Variants in MAFB observed in about 807,000 individuals in gnomAD.
MAFB encodes MAF bZIP transcription factor B.
A neutral mutation model predicts 17.7 loss-of-function variants in MAFB; 3 were observed. That is an observed-to-expected ratio of 0.17 (90% CI 0.08 to 0.44). The LOEUF is 0.44. Among genes scored for constraint, MAFB ranks in the 20% least tolerant of loss-of-function variants. The probability of loss-of-function intolerance (pLI) is 0.99; values close to 1 mark genes in which losing one functional copy is unlikely to be tolerated. For missense variants in MAFB, 355 were observed against 461.3 expected (o/e 0.77, Z 2.11); for synonymous variants, 214 against 211.5 (o/e 1.01, Z -0.10).
chr20:40,688,375 G>A lies in MAFB; in HGVS notation c.476C>T (p.Ala159Val), dbSNP rs1278548741. The A allele has an allele frequency of 6.4e-7, 1 of 1,552,534 alleles. No homozygotes were observed. Among genetic ancestry groups the A allele is most frequent in the Admixed American group, 1.8e-5 (1 of 55,140 alleles). Reference sequence around the variant, plus strand: ...GTGATGATGGTGATGGTGCGGGTGAGCGTGCGGGCCCAGCTCGTCGTGGGC... The same window carrying A: ...GTGATGATGGTGATGGTGCGGGTGAACGTGCGGGCCCAGCTCGTCGTGGGC... ...GVAHDELGPH[A>V]HPHHHHHHQA... Residue 159 changes from alanine to valine, a missense_variant, in exon 1 of 1, where the codon GCT becomes GTT. By Grantham distance (64) the Ala-to-Val change is moderately conservative. Coordinates refer to ENST00000373313, the MANE Select transcript of MAFB (RefSeq NM_005461.5).
In MAFB at chr20:40,687,997, G is replaced by A. The variant is rs747264525; in HGVS notation, c.854C>T (p.Ser285Phe). 1.2e-6 allele frequency: 2 copies of A among 1,614,178 alleles called. No homozygotes were observed. Among genetic ancestry groups the A allele is most frequent in the Non-Finnish European group, 1.7e-6 (2 of 1,180,044 alleles). ...QQVEQLKQEV[S>F]RLARERDAYK... is the part of the protein sequence containing the mutation. ...GGCGTCTCTCTCGCGGGCCAGCCGG[G>A]ACACCTCCTGCTTAAGCTGCTCCAC... Residue 285 changes from serine to phenylalanine, a missense_variant, in exon 1 of 1, where the codon TCC becomes TTC. Coordinates refer to ENST00000373313, the MANE Select transcript of MAFB (RefSeq NM_005461.5).
Position 40,688,211 on chromosome 20 carries a change from C to A in MAFB, c.640G>T (p.Asp214Tyr), listed in dbSNP as rs757070308. 1.3e-6 allele frequency: 2 copies of A among 1,590,064 alleles called. No individual in the cohort carries two copies. The highest frequency in any genetic ancestry group is 1.7e-6 in the Non-Finnish European group (2 of 1,174,160). ...CGCACGGACATGGACACGAGCTGGT[C>A]GTCGGAGAAGCGGTCCTCCACGCTG... ...NGSVEDRFSD[D>Y]QLVSMSVREL... The change falls in exon 1 of 1, where the codon GAC (aspartate) becomes TAC (tyrosine). Residue 214 changes from aspartate (D) to tyrosine (Y), a missense_variant. By Grantham distance (160) the Asp-to-Tyr change is radical. This residue lies in a region of MAFB where 285 missense variants were observed against 350.0 expected (regional missense o/e 0.81). Transcript: ENST00000373313.
rs1369327527 is a variant in MAFB at position 40,687,888 on chromosome 20, G to T, written c.963C>A (p.Phe321Leu). The change falls in exon 1 of 1, where the codon TTC (phenylalanine) becomes TTA (leucine). Residue 321 changes from phenylalanine to leucine, a missense_variant. Physicochemically the swap from Phe to Leu is conservative, Grantham distance 22. Around this residue, in one of 3 missense-constraint regions of MAFB, gnomAD observed 63 missense variants for 69.4 expected, o/e 0.91. Coordinates refer to ENST00000373313, the MANE Select transcript of MAFB (RefSeq NM_005461.5). The stretch of plus-strand genomic sequence containing the variant: ...CAGGACCGGCCACGACTCACAGAAA[G>T]AACTCGGGAGAGGAGGGGCTGTCGC... The part of the protein sequence containing the change: ...STSDSPSSPE[F>L]FL 2 of 1,610,400 alleles carry T rather than the reference G, an allele frequency of 1.2e-6. No homozygotes were observed. The highest frequency in any genetic ancestry group is 1.7e-6 in the Non-Finnish European group (2 of 1,179,978).
Position 40,688,625 on chromosome 20 carries a change from T to A in MAFB, c.226A>T (p.Thr76Ser). The A allele has an allele frequency of 6.2e-7, 1 of 1,614,056 alleles. No individual in the cohort carries two copies. The highest frequency in any genetic ancestry group is 8.5e-7 in the Non-Finnish European group (1 of 1,179,950). Residue 76 changes from threonine to serine, a missense_variant, in exon 1 of 1, where the codon ACC becomes TCC. Thr to Ser is a moderately conservative substitution (Grantham distance 58). Transcript: ENST00000373313. ...TCCTCGAGGTGTGTCTTCTGTTCGG[T>A]CGGGCTGAAGCTGGGCGACGAGGGC... ...SVPSSPSFSP[T>S]EQKTHLEDLY...
chr20:40,686,924 T>A lies in MAFB; in HGVS notation c.*955A>T. 1 of 397,594 alleles carries A rather than the reference T, an allele frequency of 2.5e-6. No homozygotes were observed. The highest frequency in any genetic ancestry group is 4.4e-6 in the Non-Finnish European group (1 of 226,000). 24.6% of individuals were successfully genotyped at this position (397,594 alleles called of 1,614,324 possible). A position where few individuals can be genotyped will look rare whatever the true frequency, so the allele number is the denominator to read the frequency against. On this transcript the variant is annotated 3_prime_UTR_variant, in exon 1 of 1. Transcript: ENST00000373313. ...TGTGCCCCAAGACAAAGTTGTTTTC[T>A]GATGCAAAATGCCCGGAACTTTTTC...
rs1986867471 is a variant in MAFB, at chr20:40,687,852, AG to A, written c.*26del. Reference sequence around the variant, plus strand: ...GGGACAGGGAGTCCGGGCCGGGGCAAGGGCGGGGGCCAGGACCGGCCACGAC... The same window carrying A: ...GGGACAGGGAGTCCGGGCCGGGGCAAGGCGGGGGCCAGGACCGGCCACGAC... On this transcript the variant is annotated 3_prime_UTR_variant, in exon 1 of 1. Coordinates refer to ENST00000373313, the MANE Select transcript of MAFB (RefSeq NM_005461.5). 3 of 1,600,708 alleles carry A rather than the reference AG, an allele frequency of 1.9e-6. No individual in the cohort carries two copies. The South Asian group carries it at 3.3e-5, about 18-fold the overall frequency.
rs768931526 is a variant in MAFB, at chr20:40,687,853, G to C, written c.*26C>G. 1.2e-6 allele frequency: 2 copies of C among 1,601,552 alleles called. No homozygotes were observed. The highest frequency in any genetic ancestry group is 2.2e-5 in the East Asian group (1 of 44,814). ...GGACAGGGAGTCCGGGCCGGGGCAA[G>C]GGCGGGGGCCAGGACCGGCCACGAC... On this transcript the variant is annotated 3_prime_UTR_variant, in exon 1 of 1. Transcript: ENST00000373313.
Position 40,686,533 on chromosome 20 carries a change from G to T in MAFB, c.*1346C>A. 1 of 396,430 alleles carries T rather than the reference G, an allele frequency of 2.5e-6. No individual in the cohort carries two copies. Among genetic ancestry groups the T allele is most frequent in the Admixed American group, 4.4e-5 (1 of 22,694 alleles). The allele number at this position is 396,430 out of a possible 1,614,324, so 24.6% of individuals were successfully genotyped here. Reference sequence around the variant, plus strand: ...TGCAGTGTCTGCTTACCAGTGCACTGCCAGGGTCAGGGATGGCTAAGCCTC... The same window carrying T: ...TGCAGTGTCTGCTTACCAGTGCACTTCCAGGGTCAGGGATGGCTAAGCCTC... On this transcript the variant is annotated 3_prime_UTR_variant, in exon 1 of 1. Coordinates refer to ENST00000373313, the MANE Select transcript of MAFB (RefSeq NM_005461.5).
chr20:40,687,703 C>T lies in MAFB; in HGVS notation c.*176G>A, dbSNP rs1436082756. 10 of 774,270 alleles carry T rather than the reference C, an allele frequency of 1.3e-5. No homozygotes were observed. The highest frequency in any genetic ancestry group is 1.8e-5 in the Non-Finnish European group (9 of 495,932). 48.0% of individuals were successfully genotyped at this position (774,270 alleles called of 1,614,324 possible). Reference sequence around the variant, plus strand: ...TCTCGCCTTAGCCAAGGTCCCCTGCCCGCCCGCGCACCCGCCCGTCGCCCG... The same window carrying T: ...TCTCGCCTTAGCCAAGGTCCCCTGCTCGCCCGCGCACCCGCCCGTCGCCCG... On this transcript the variant is annotated 3_prime_UTR_variant, in exon 1 of 1. Transcript: ENST00000373313.
rs892255768 is a variant in MAFB at position 40,688,711 on chromosome 20, G to A, written c.140C>T (p.Thr47Ile). Residue 47 changes from threonine to isoleucine, a missense_variant, in exon 1 of 1, where the codon ACA (threonine) becomes ATA (isoleucine). Transcript: ENST00000373313. The part of the protein sequence containing the change: ...GRAERPGRPC[T>I]RLQPAGSVSS... ...CACCGAGCCGGCTGGCTGCAGGCGTGTGCAGGGCCTGCCCGGACGCTCCGC... is the reference window on the plus strand; with the variant it reads ...CACCGAGCCGGCTGGCTGCAGGCGTATGCAGGGCCTGCCCGGACGCTCCGC... The A allele has an allele frequency of 3.2e-5, 52 of 1,613,788 alleles. No homozygotes were observed. Among genetic ancestry groups the A allele is most frequent in the Non-Finnish European group, 4.3e-5 (51 of 1,179,924 alleles).
rs563342405 is a variant in MAFB at position 40,688,931 on chromosome 20, G to T, written c.-81C>A. ...AGCGCGCCGAGCCAAGCGCGGGGGG[G>T]AAGAGCGGAGAAGAGCTGGGGAGGC... is the stretch of plus-strand genomic sequence containing the variant. On this transcript the variant is annotated 5_prime_UTR_variant, in exon 1 of 1. Transcript: ENST00000373313. The T allele has an allele frequency of 4.1e-6, 6 of 1,477,930 alleles. No homozygotes were observed. In the Admixed American group the frequency reaches 7.4e-5, roughly 18 times the overall value. The allele number at this position is 1,477,930 out of a possible 1,614,324, so 91.6% of individuals were successfully genotyped here.
In MAFB at chr20:40,688,893, T is replaced by C; in HGVS notation, c.-43A>G. 1 of 1,548,414 alleles carries C rather than the reference T, an allele frequency of 6.5e-7. No individual in the cohort carries two copies. The highest frequency in any genetic ancestry group is 8.7e-7 in the Non-Finnish European group (1 of 1,152,012). On this transcript the variant is annotated 5_prime_UTR_variant, in exon 1 of 1. Coordinates refer to ENST00000373313, the MANE Select transcript of MAFB (RefSeq NM_005461.5). ...GCCGCCGCTGCCGCCCGGGAAACTTTGCGGCCGGCCGGAGCGCGCCGAGCC... is the reference window on the plus strand; with the variant it reads ...GCCGCCGCTGCCGCCCGGGAAACTTCGCGGCCGGCCGGAGCGCGCCGAGCC...
At position 40,687,785 on chromosome 20, in the gene MAFB, G is replaced by C; in HGVS notation, c.*94C>G. ...AGTCAAACAGGTCAAGGCTGGGGCCGCGGCAGGGACAGGGTCCGGGGTAGT... is the reference window on the plus strand; with the variant it reads ...AGTCAAACAGGTCAAGGCTGGGGCCCCGGCAGGGACAGGGTCCGGGGTAGT... On this transcript the variant is annotated 3_prime_UTR_variant, in exon 1 of 1. Coordinates refer to ENST00000373313, the MANE Select transcript of MAFB (RefSeq NM_005461.5). The C allele has an allele frequency of 3.5e-6, 5 of 1,420,102 alleles. No individual in the cohort carries two copies. Among genetic ancestry groups the C allele is most frequent in the Non-Finnish European group, 4.7e-6 (5 of 1,058,956 alleles). The allele number at this position is 1,420,102 out of a possible 1,614,324, so 88.0% of individuals were successfully genotyped here. A position where few individuals can be genotyped will look rare whatever the true frequency, so the allele number is the denominator to read the frequency against.
rs914964935 is a variant in MAFB, at chr20:40,688,876, T to C, written c.-26A>G. 3 of 1,567,398 alleles carry C rather than the reference T, an allele frequency of 1.9e-6. No individual in the cohort carries two copies. Among genetic ancestry groups the C allele is most frequent in the Non-Finnish European group, 2.6e-6 (3 of 1,159,766 alleles). On this transcript the variant is annotated 5_prime_UTR_variant, in exon 1 of 1. Coordinates refer to ENST00000373313, the MANE Select transcript of MAFB (RefSeq NM_005461.5). Reference sequence around the variant, plus strand: ...CGCTGAAGCGAGGCGCAGCCGCCGCTGCCGCCCGGGAAACTTTGCGGCCGG... The same window carrying C: ...CGCTGAAGCGAGGCGCAGCCGCCGCCGCCGCCCGGGAAACTTTGCGGCCGG...
In MAFB at chr20:40,686,142, T is replaced by C. The variant is rs532037681; in HGVS notation, c.*1737A>G. On this transcript the variant is annotated 3_prime_UTR_variant, in exon 1 of 1. Coordinates refer to ENST00000373313, the MANE Select transcript of MAFB (RefSeq NM_005461.5). ...AAGCACCATGCGGTTCATACAATCT[T>C]GTTATTACTGTTAATTTATCAACTA... 206 of 203,224 alleles carry C rather than the reference T, an allele frequency of 1.0e-3. No individual in the cohort carries two copies. The highest frequency in any genetic ancestry group is 5.1e-3 in the Admixed American group (85 of 16,650). 12.6% of individuals were successfully genotyped at this position (203,224 alleles called of 1,614,324 possible).
rs1010983690 is a variant in MAFB at position 40,688,722 on chromosome 20, G to C, written c.129C>G (p.Gly43=). 1 of 1,613,740 alleles carries C rather than the reference G, an allele frequency of 6.2e-7. No individual in the cohort carries two copies. Among genetic ancestry groups the C allele is most frequent in the African/African-American group, 1.3e-5 (1 of 74,940 alleles). The part of the protein sequence containing the change: ...KEPLGRAERP[G]RPCTRLQPAG... ...CTGGCTGCAGGCGTGTGCAGGGCCT[G>C]CCCGGACGCTCCGCGCGCCCCAGTG... The change falls in exon 1 of 1, where the codon GGC becomes GGG. Residue 43 remains glycine, a synonymous_variant. Coordinates refer to ENST00000373313, the MANE Select transcript of MAFB (RefSeq NM_005461.5).
At position 40,686,367 on chromosome 20, in the gene MAFB, C is replaced by A. The variant is rs1986828481; in HGVS notation, c.*1512G>T. On this transcript the variant is annotated 3_prime_UTR_variant, in exon 1 of 1. Coordinates refer to ENST00000373313, the MANE Select transcript of MAFB (RefSeq NM_005461.5). ...CAACTGAAGAATTGAAGGGGGGGGA[C>A]ACCACCAAGAACTCTTCCTACTATC... 1.1e-5 allele frequency: 3 copies of A among 265,600 alleles called. No individual in the cohort carries two copies. In the South Asian group the frequency reaches 5.2e-4, roughly 46 times the overall value. The allele number at this position is 265,600 out of a possible 1,614,324, so 16.5% of individuals were successfully genotyped here. A position where few individuals can be genotyped will look rare whatever the true frequency, so the allele number is the denominator to read the frequency against.
At position 40,689,075 on chromosome 20, in the gene MAFB, G is replaced by C. The variant is rs886984053; in HGVS notation, c.-225C>G. 5.7e-5 allele frequency: 31 copies of C among 543,738 alleles called. No homozygotes were observed. In the African/African-American group the frequency reaches 5.8e-4, roughly 10 times the overall value. The allele number at this position is 543,738 out of a possible 1,614,324, so 33.7% of individuals were successfully genotyped here. On this transcript the variant is annotated 5_prime_UTR_variant, in exon 1 of 1. Transcript: ENST00000373313. ...CCCCAGAGCTCTGGGCTGTGCCCGC[G>C]CAGGGACCGGGCCGGGTAGAGTCGG...
At position 40,686,562 on chromosome 20, in the gene MAFB, CCCTAGGAGCGCTGTGGCT is replaced by C. The variant is rs1986832380; in HGVS notation, c.*1299_*1316del. The C allele has an allele frequency of 2.5e-6, 1 of 397,270 alleles. No homozygotes were observed. The highest frequency in any genetic ancestry group is 2.1e-5 in the African/African-American group (1 of 48,626). 24.6% of individuals were successfully genotyped at this position (397,270 alleles called of 1,614,324 possible). On this transcript the variant is annotated 3_prime_UTR_variant, in exon 1 of 1. Coordinates refer to ENST00000373313, the MANE Select transcript of MAFB (RefSeq NM_005461.5). ...GGGTCAGGGATGGCTAAGCCTCTCA[CCCTAGGAGCGCTGTGGCT>C]CCTACAATTAGCGCAGGCCCAGAGG... is the stretch of plus-strand genomic sequence containing the variant.
Sources: gnomAD v4.1 joint callset for allele counts on GRCh38, gnomAD v4.1.1 for gene constraint, gnomAD v4.1.1 regional missense constraint, MANE v1.5 for transcripts, NCBI Gene and HGNC (gene_info 2026-07-23, HGNC 2026-07-21) for gene names.